EEFSEC: variants seen among roughly 807,000 people sequenced by gnomAD.
EEFSEC encodes the protein eukaryotic elongation factor, selenocysteine-tRNA specific.
In EEFSEC, 43 loss-of-function variants were observed where a neutral mutation model predicts 42.1. The observed-to-expected ratio is 1.02, with a 90% CI of 0.80 to 1.32. EEFSEC has a LOEUF of 1.32. EEFSEC is among the 40% of genes most tolerant of loss of function. The probability of loss-of-function intolerance (pLI) is 0.00; values close to 1 mark genes in which losing one functional copy is unlikely to be tolerated. For synonymous variants in EEFSEC, 354 were observed against 339.1 expected (o/e 1.04, Z -0.48); for missense variants, 745 against 803.6 (o/e 0.93, Z 0.88).
chr3:128,225,915 G>A (rs191250182), intron 1 of EEFSEC, among the ~76,000 whole-genome samples: 1 of 152,308 alleles, frequency 6.6e-6, no homozygotes, highest in East Asian at 1.9e-4. Context: ...CAAAGTGCTG[G>A]GCACAGAGGC....
intron 6 of EEFSEC, among the ~76,000 whole-genome samples, chr3:128,405,538 G>A (rs142566249): frequency 2.0e-5 from 3 of 152,308 alleles, no homozygotes; most frequent in African/African-American, 2.4e-5. Flanking sequence ...TTTCTCATCC[G>A]TATAAAGAAG....
intron 4 of EEFSEC, among the ~76,000 whole-genome samples, chr3:128,312,881 A>G (rs1273428367): frequency 6.6e-6 from 1 of 152,214 alleles, no homozygotes; most frequent in Non-Finnish European, 1.5e-5. Flanking sequence ...ATATATAGAA[A>G]ATTCTAAACT....
intron 4 of EEFSEC, among the ~76,000 whole-genome samples, chr3:128,324,189 T>G (rs547202565): frequency 6.6e-6 from 1 of 151,714 alleles, no homozygotes; most frequent in Non-Finnish European, 1.5e-5. Flanking sequence ...TTTTCTACAG[T>G]GTCAGTTTTC....
intron 2 of EEFSEC, among the ~76,000 whole-genome samples, chr3:128,251,587 G>A (rs1244317603): frequency 7.9e-5 from 12 of 152,098 alleles, no homozygotes; most frequent in African/African-American, 2.9e-4. Flanking sequence ...GAACAGTTGT[G>A]CTTTTGTATG....
chr3:128,251,236 A>T (rs1478976854), intron 2 of EEFSEC, among the ~76,000 whole-genome samples: 1 of 152,160 alleles, frequency 6.6e-6, no homozygotes, highest in African/African-American at 2.4e-5. Flanking sequence ...GACCTACTAG[A>T]CTGGCTTAAG....
chr3:128,372,480 A>G (rs1025058635), intron 6 of EEFSEC, among the ~76,000 whole-genome samples: 3 of 152,136 alleles, frequency 2.0e-5, no homozygotes, highest in African/African-American at 4.8e-5. Context: ...AACACTTACC[A>G]TGTGTTCAGA....
intron 5 of EEFSEC, among the ~76,000 whole-genome samples, chr3:128,348,271 C>CGTGTGTGTGTGCGTGTGTGCGTGTGT (rs71618139): frequency 1.4e-5 from 2 of 147,702 alleles, no homozygotes; most frequent in African/African-American, 5.1e-5. Context: ...TGTGTGTGTG[C>CGTGTGTGTGTGCGTGTGTGCGTGTGT]GTGTGCGTGT....
intron 1 of EEFSEC, among the ~76,000 whole-genome samples, chr3:128,187,414 C>T (rs545955021): frequency 6.6e-6 from 1 of 152,258 alleles, no homozygotes; most frequent in Admixed American, 6.5e-5. Context: ...CCCAGAGCTT[C>T]TGTGAGGTAC....
chr3:128,238,184 G>T (rs972349102), intron 1 of EEFSEC, among the ~76,000 whole-genome samples: 4 of 152,202 alleles, frequency 2.6e-5, no homozygotes, highest in Non-Finnish European at 5.9e-5. Flanking sequence ...AGCCAGGCTA[G>T]TAGTACAAAT....
chr3:128,264,824 G>A (rs1463278344), intron 4 of EEFSEC, 43 bp downstream of exon 4: 2 of 1,587,972 alleles, frequency 1.3e-6, no homozygotes. Context: ...CTCGCTGGCA[G>A]CAAGGGAGGG....
At chr3:128,175,013 G>C (rs2065334017) in intron 1 of EEFSEC, among the ~76,000 whole-genome samples, 1 of 152,132 alleles carries the variant, frequency 6.6e-6, no homozygotes, top group Non-Finnish European at 1.5e-5. Context: ...TATTCAATAG[G>C]ATGCAGGATA....
chr3:128,272,723 G>C (rs987529277), intron 4 of EEFSEC, among the ~76,000 whole-genome samples: 1 of 152,178 alleles, frequency 6.6e-6, no homozygotes, highest in Non-Finnish European at 1.5e-5. Context: ...CTGGTTGGAC[G>C]GGAGCTCATC....
At chr3:128,203,163 G>A (rs533974830) in intron 1 of EEFSEC, among the ~76,000 whole-genome samples, 1 of 152,258 alleles carries the variant, frequency 6.6e-6, no homozygotes, top group South Asian at 2.1e-4. Context: ...CCCAAATGTT[G>A]GCAATTTGAG....
intron 6 of EEFSEC, among the ~76,000 whole-genome samples, chr3:128,383,425 C>T (rs1001503043): frequency 1.3e-5 from 2 of 152,260 alleles, no homozygotes; most frequent in Admixed American, 6.5e-5. Context: ...CTGTTCTAAG[C>T]ACTTTCTGTT....
intron 4 of EEFSEC, among the ~76,000 whole-genome samples, chr3:128,282,726 G>A (rs1208560501): frequency 6.6e-6 from 1 of 152,170 alleles, no homozygotes; most frequent in African/African-American, 2.4e-5. Flanking sequence ...GAAAATCTAG[G>A]GACTGTTACC....
intron 1 of EEFSEC, among the ~76,000 whole-genome samples, chr3:128,199,829 G>C (rs1351969920): frequency 6.6e-6 from 1 of 152,080 alleles, no homozygotes; most frequent in Non-Finnish European, 1.5e-5. Context: ...TGCCTCCCAG[G>C]TTCAAGTGAT....
intron 1 of EEFSEC, among the ~76,000 whole-genome samples, chr3:128,204,471 G>A (rs533348905): frequency 4.5e-4 from 69 of 152,168 alleles, no homozygotes; most frequent in Middle Eastern, 3.4e-3. Flanking sequence ...TTAGCTTGCC[G>A]TAAGATTAGG....
intron 6 of EEFSEC, among the ~76,000 whole-genome samples, chr3:128,380,685 G>A (rs1198669451): frequency 3.9e-5 from 6 of 152,212 alleles, no homozygotes; most frequent in South Asian, 2.1e-4. Context: ...TCTGGTCAGC[G>A]GTTCTGGTTG....
intron 4 of EEFSEC, among the ~76,000 whole-genome samples, chr3:128,271,361 C>T (rs1222020565): frequency 6.6e-6 from 1 of 152,194 alleles, no homozygotes; most frequent in Non-Finnish European, 1.5e-5. Flanking sequence ...CCTCTGCTGC[C>T]ATGTGTTTTT....
Sources: gnomAD v4.1 joint callset for allele counts (sites outside exome capture counted in the v4.1 genomes callset) on GRCh38, gnomAD v4.1.1 for gene constraint, MANE v1.5 for transcripts, NCBI Gene and HGNC (gene_info 2026-07-23, HGNC 2026-07-21) for gene names.